Variants in CNTNAP2 observed in about 807,000 individuals in gnomAD.
The protein encoded by CNTNAP2 is contactin-associated protein-like 2.
In CNTNAP2, 98 loss-of-function variants were observed where a neutral mutation model predicts 155.2. The ratio of observed to expected loss-of-function variants is 0.63; its 90% CI spans 0.54 to 0.75. The LOEUF is 0.75. Ranked by LOEUF, CNTNAP2 falls within the 30% of genes least tolerant of loss-of-function variation. CNTNAP2 has a pLI of 0.00. For missense variants in CNTNAP2, 1,727 were observed against 1,688.1 expected, an observed-to-expected ratio of 1.02 and a Z score of -0.40; for synonymous variants, 651 against 631.2, an observed-to-expected ratio of 1.03 and a Z score of -0.47.
chr7:148,112,415 G>GTATTATTAT (rs34816770), intron 15 of CNTNAP2, among the ~76,000 whole-genome samples: 13,409 of 148,540 alleles, frequency 0.09, 906 homozygotes, highest in East Asian at 0.31. Flanking sequence ...CTAAATTTTA[G>GTATTATTAT]TATTATTATT....
chr7:148,322,843 A>G (rs1036829499), intron 21 of CNTNAP2, among the ~76,000 whole-genome samples: 5 of 136,214 alleles, frequency 3.7e-5, no homozygotes, highest in African/African-American at 1.4e-4. Flanking sequence ...AGTTTCATTC[A>G]GGGACTACCT....
At chr7:148,276,174 C>T (rs1004778226) in intron 21 of CNTNAP2, among the ~76,000 whole-genome samples, 1 of 152,134 alleles carries the variant, frequency 6.6e-6, no homozygotes, top group African/African-American at 2.4e-5. Context: ...AAAAATAGGA[C>T]TACGCAGTTG....
chr7:146,670,761 A>C (rs1191458413), intron 1 of CNTNAP2, among the ~76,000 whole-genome samples: 4 of 152,132 alleles, frequency 2.6e-5, no homozygotes, highest in Non-Finnish European at 5.9e-5. Flanking sequence ...TTTCACAGCC[A>C]AGGGAAGGAC....
At chr7:147,590,458 A>G (rs1029602256) in intron 12 of CNTNAP2, among the ~76,000 whole-genome samples, 1 of 152,058 alleles carries the variant, frequency 6.6e-6, no homozygotes, top group African/African-American at 2.4e-5. Context: ...CTTAGCACTC[A>G]TTCTCTCTCC....
At chr7:146,904,657 G>C (rs1796081347) in intron 3 of CNTNAP2, among the ~76,000 whole-genome samples, 1 of 152,086 alleles carries the variant, frequency 6.6e-6, no homozygotes, top group African/African-American at 2.4e-5. Context: ...ATTTTTAGTA[G>C]AGACGGGGTT....
intron 13 of CNTNAP2, chr7:147,673,008 T>A (rs940598969): frequency 6.6e-6 from 1 of 152,148 alleles, no homozygotes; most frequent in African/African-American, 2.4e-5. Context: ...TACTGGAGCA[T>A]GCTTTTGATT....
chr7:146,616,482 G>T (rs1799226497), intron 1 of CNTNAP2, among the ~76,000 whole-genome samples: 1 of 152,120 alleles, frequency 6.6e-6, no homozygotes, highest in Non-Finnish European at 1.5e-5. Flanking sequence ...ATCTTCTAGG[G>T]TAAAGCTACC....
intron 8 of CNTNAP2, among the ~76,000 whole-genome samples, chr7:147,277,863 G>T (rs1051369326): frequency 2.6e-5 from 4 of 151,112 alleles, no homozygotes; most frequent in Non-Finnish European, 5.9e-5. Flanking sequence ...ACATTTAAAA[G>T]ATAATAGTAA....
chr7:147,058,052 C>T (rs1799596239), intron 4 of CNTNAP2, among the ~76,000 whole-genome samples: 1 of 152,116 alleles, frequency 6.6e-6, no homozygotes, highest in African/African-American at 2.4e-5. Flanking sequence ...CACAACATTA[C>T]TTCTAAACAT....
At chr7:147,073,506 A>G (rs924375339) in intron 4 of CNTNAP2, among the ~76,000 whole-genome samples, 1 of 152,154 alleles carries the variant, frequency 6.6e-6, no homozygotes, top group Non-Finnish European at 1.5e-5. Flanking sequence ...AGCTATGCAT[A>G]GGAGAGGTAA....
chr7:147,753,684 T>C (rs550018773), intron 13 of CNTNAP2, among the ~76,000 whole-genome samples: 31 of 152,274 alleles, frequency 2.0e-4, no homozygotes, highest in Admixed American at 7.2e-4. Context: ...AGTCTCTTCT[T>C]GACATTCACT....
At position 147,395,948 on chromosome 7, in the gene CNTNAP2, T is replaced by G. The variant is rs700309; in HGVS notation, c.1670+168T>G. Among the ~76,000 whole-genome samples, 117,409 of 150,188 alleles carry G rather than the reference T, an allele frequency of 0.78. 46,645 individuals are homozygous for G. The highest frequency in any genetic ancestry group is 0.93 in the African/African-American group (38,319 of 41,072). ...GTATACTTGTGATATTAGCAGTGAT[T>G]ATGTTTATGTTTTTATGTGGATATA... On this transcript the variant is annotated intron_variant, in intron 10 of 23. Coordinates refer to ENST00000361727, the MANE Select transcript of CNTNAP2 (RefSeq NM_014141.6).
At chr7:146,778,726 A>G (rs1242815149) in intron 2 of CNTNAP2, among the ~76,000 whole-genome samples, 1 of 152,240 alleles carries the variant, frequency 6.6e-6, no homozygotes, top group Admixed American at 6.5e-5. Flanking sequence ...TTGTTTCTCA[A>G]TCTTCATAAC....
At chr7:146,896,861 AATG>A (rs1562991371) in intron 3 of CNTNAP2, among the ~76,000 whole-genome samples, 1 of 152,096 alleles carries the variant, frequency 6.6e-6, no homozygotes, top group African/African-American at 2.4e-5. Context: ...AAATATTTTT[AATG>A]ATGATTTATT....
intron 1 of CNTNAP2, among the ~76,000 whole-genome samples, chr7:146,141,708 A>C (rs1411120637): frequency 6.6e-6 from 1 of 152,122 alleles, no homozygotes; most frequent in Non-Finnish European, 1.5e-5. Flanking sequence ...GATGAAGTTA[A>C]AAATCTGATT....
chr7:147,576,435 T>G (rs1800397848), intron 12 of CNTNAP2, among the ~76,000 whole-genome samples: 1 of 152,106 alleles, frequency 6.6e-6, no homozygotes, highest in African/African-American at 2.4e-5. Flanking sequence ...CTCTATCCTT[T>G]TAGGTGCTCC....
intron 12 of CNTNAP2, among the ~76,000 whole-genome samples, chr7:147,633,430 C>A (rs1441973062): frequency 6.6e-6 from 1 of 152,156 alleles, no homozygotes; most frequent in East Asian, 1.9e-4. Flanking sequence ...AGCCCCCACA[C>A]AAGACTTTGG....
At chr7:146,797,952 A>G (rs1257243905) in intron 2 of CNTNAP2, among the ~76,000 whole-genome samples, 2 of 152,182 alleles carry the variant, frequency 1.3e-5, no homozygotes, top group Non-Finnish European at 1.5e-5. Flanking sequence ...CATTTTTGCC[A>G]CACAGAAGCT....
intron 1 of CNTNAP2, among the ~76,000 whole-genome samples, chr7:146,122,982 A>T (rs943570615): frequency 5.3e-5 from 8 of 152,190 alleles, no homozygotes; most frequent in Non-Finnish European, 1.2e-4. Flanking sequence ...GTTTTGAAAA[A>T]TATCTTCTTA....
Sources: gnomAD v4.1 joint callset for allele counts (sites outside exome capture counted in the v4.1 genomes callset) on GRCh38, gnomAD v4.1.1 for gene constraint, MANE v1.5 for transcripts, NCBI Gene and HGNC (gene_info 2026-07-23, HGNC 2026-07-21) for gene names.